The following RALYL variants were observed in gnomAD, a reference collection of about 807,000 sequenced individuals.
RALYL encodes the protein RNA-binding Raly-like protein.
RALYL carries 29 observed loss-of-function variants against 35.1 expected under a neutral mutation model. That is an observed-to-expected ratio of 0.83 (90% CI 0.61 to 1.13). The LOEUF is 1.13. RALYL is among the 50% of genes most tolerant of loss of function. The pLI is 0.00. For missense variants in RALYL, 359 were observed against 360.4 expected (o/e 1.00, Z 0.03); for synonymous variants, 120 against 127.6 (o/e 0.94, Z 0.40).
intron 2 of RALYL, among the ~76,000 whole-genome samples, chr8:84,550,331 G>A (rs2060632196): frequency 6.6e-6 from 1 of 151,890 alleles, no homozygotes; most frequent in African/African-American, 2.4e-5. Context: ...GAATTTTAAA[G>A]ATATCAAAGA....
chr8:84,329,792 T>C (rs1012996746), intron 1 of RALYL, among the ~76,000 whole-genome samples: 3 of 152,058 alleles, frequency 2.0e-5, no homozygotes, highest in Non-Finnish European at 4.4e-5. Flanking sequence ...ATTCCTTAGG[T>C]TTTAAATGAC....
rs766988488 is a variant in RALYL, at chr8:84,434,611, C to T, written c.-23-94688C>T. On this transcript the variant is annotated intron_variant, in intron 1 of 8. Transcript: ENST00000521268. Reference sequence around the variant, plus strand: ...GATAGATAACGTTTTTCTTTAAAAGCAAACTTAAAGAATATTAATCAAAGA... The same window carrying T: ...GATAGATAACGTTTTTCTTTAAAAGTAAACTTAAAGAATATTAATCAAAGA... 7.9e-5 allele frequency among the ~76,000 whole-genome samples: 12 copies of T among 152,158 alleles called. No homozygotes were observed. The East Asian group carries it at 2.3e-3, about 29-fold the overall frequency.
intron 1 of RALYL, among the ~76,000 whole-genome samples, chr8:84,399,289 T>C (rs1221766223): frequency 6.6e-6 from 1 of 152,202 alleles, no homozygotes; most frequent in Non-Finnish European, 1.5e-5. Context: ...GTCTTAGAAA[T>C]AGTTTCTGTT....
chr8:84,842,429 A>G (rs1484754988), intron 4 of RALYL, among the ~76,000 whole-genome samples: 1 of 152,208 alleles, frequency 6.6e-6, no homozygotes, highest in Admixed American at 6.5e-5. Flanking sequence ...AAGAAGTTGA[A>G]TCTCTGAATA....
At chr8:84,698,088 G>A (rs1839482504) in intron 2 of RALYL, among the ~76,000 whole-genome samples, 1 of 151,944 alleles carries the variant, frequency 6.6e-6, no homozygotes, top group Non-Finnish European at 1.5e-5. Context: ...CATGAACTGG[G>A]TACAGTTTTT....
At chr8:84,282,489 C>T (rs1836762018) in intron 1 of RALYL, among the ~76,000 whole-genome samples, 1 of 151,974 alleles carries the variant, frequency 6.6e-6, no homozygotes, top group South Asian at 2.1e-4. Flanking sequence ...ACCTTCTGAA[C>T]TACTGGGAGT....
At chr8:84,739,283 A>G (rs541106947) in intron 2 of RALYL, among the ~76,000 whole-genome samples, 1 of 152,028 alleles carries the variant, frequency 6.6e-6, no homozygotes, top group African/African-American at 2.4e-5. Flanking sequence ...AATACTTCAC[A>G]TCGTATAATC....
At chr8:84,336,824 A>G (rs1235686605) in intron 1 of RALYL, among the ~76,000 whole-genome samples, 1 of 151,994 alleles carries the variant, frequency 6.6e-6, no homozygotes, top group African/African-American at 2.4e-5. Flanking sequence ...CCACGACTGC[A>G]CTGAGTCTAT....
chr8:84,855,397 A>T (rs1028383985), intron 5 of RALYL, among the ~76,000 whole-genome samples: 2 of 152,366 alleles, frequency 1.3e-5, no homozygotes, highest in African/African-American at 4.8e-5. Context: ...ACCCTTAGAT[A>T]GTTTTAGCTT....
chr8:84,723,669 C>CT (rs1363518340), intron 2 of RALYL, among the ~76,000 whole-genome samples: 2 of 151,744 alleles, frequency 1.3e-5, no homozygotes, highest in African/African-American at 4.8e-5. Context: ...AGTTACTTCA[C>CT]TTTTTTTAGA....
intron 8 of RALYL, among the ~76,000 whole-genome samples, chr8:84,918,338 T>C (rs2135768768): frequency 6.6e-6 from 1 of 152,194 alleles, no homozygotes; most frequent in South Asian, 2.1e-4. Context: ...AAATGTGCCT[T>C]CCATGTAGAT....
intron 2 of RALYL, among the ~76,000 whole-genome samples, chr8:84,530,901 A>G (rs950202035): frequency 1.3e-5 from 2 of 152,096 alleles, no homozygotes; most frequent in East Asian, 3.9e-4. Flanking sequence ...TTCCTACTTC[A>G]GAGGCTTTGT....
chr8:84,761,907 G>A (rs1466170976), intron 2 of RALYL, among the ~76,000 whole-genome samples: 1 of 152,150 alleles, frequency 6.6e-6, no homozygotes, highest in Non-Finnish European at 1.5e-5. Flanking sequence ...TGAGTGTGAG[G>A]AGTGGTAGGG....
chr8:84,671,100 A>G (rs1000518863), intron 2 of RALYL, among the ~76,000 whole-genome samples: 6 of 152,198 alleles, frequency 3.9e-5, no homozygotes, highest in African/African-American at 1.4e-4. Context: ...CGAAGGGTCT[A>G]TAGGCCCTAT....
chr8:84,857,067 T>C (rs1037072653), intron 5 of RALYL, among the ~76,000 whole-genome samples: 2 of 149,866 alleles, frequency 1.3e-5, no homozygotes, highest in African/African-American at 4.9e-5. Flanking sequence ...AAAGAATTAT[T>C]TGTGTAGATT....
intron 1 of RALYL, among the ~76,000 whole-genome samples, chr8:84,291,442 C>A (rs915682441): frequency 6.6e-6 from 1 of 152,014 alleles, no homozygotes; most frequent in South Asian, 2.1e-4. Flanking sequence ...CTTAAAAATT[C>A]TTTGTACAAT....
At chr8:84,680,119 C>A (rs560359796) in intron 2 of RALYL, among the ~76,000 whole-genome samples, 14 of 151,866 alleles carry the variant, frequency 9.2e-5, no homozygotes, top group Non-Finnish European at 8.8e-5. Context: ...TTTGTCCTTG[C>A]GATAGTTTGC....
chr8:84,427,285 C>G (rs1479365691), intron 1 of RALYL, among the ~76,000 whole-genome samples: 1 of 152,160 alleles, frequency 6.6e-6, no homozygotes, highest in African/African-American at 2.4e-5. Flanking sequence ...CTCAGGCCCT[C>G]CAGTCCATTC....
intron 1 of RALYL, among the ~76,000 whole-genome samples, chr8:84,319,169 A>G (rs1844336454): frequency 6.6e-6 from 1 of 152,186 alleles, no homozygotes; most frequent in Non-Finnish European, 1.5e-5. Context: ...GGTGTCTTGA[A>G]GAAGGTTCAT....
Sources: allele counts gnomAD v4.1 joint callset (sites outside exome capture counted in the v4.1 genomes callset), GRCh38; gene constraint gnomAD v4.1.1; transcripts MANE v1.5; gene names NCBI Gene and HGNC (gene_info 2026-07-23, HGNC 2026-07-21).